UTRN: variants seen among roughly 807,000 people sequenced by gnomAD.
UTRN encodes dystrophin-related protein 1.
Under a neutral mutation model 463.9 loss-of-function variants are expected in UTRN, and 283 were observed. That is an observed-to-expected ratio of 0.61 (90% CI 0.55 to 0.67). The LOEUF (loss-of-function observed/expected upper bound fraction) is 0.67. UTRN is among the 30% of genes least tolerant of loss of function. UTRN has a pLI of 0.00. For synonymous variants in UTRN, 1,442 were observed against 1,431.5 expected, an observed-to-expected ratio of 1.01 and a Z score of -0.17; for missense variants, 3,922 against 4,084.3, an observed-to-expected ratio of 0.96 and a Z score of 1.08.
intron 51 of UTRN, among the ~76,000 whole-genome samples, chr6:144,671,907 T>A (rs140403017): frequency 1.3e-5 from 2 of 151,154 alleles, no homozygotes; most frequent in African/African-American, 4.8e-5. Flanking sequence ...CTGTGGCTAT[T>A]GAGATGACCA....
chr6:144,766,136 C>T (rs74387994), intron 58 of UTRN, among the ~76,000 whole-genome samples: 5,450 of 151,870 alleles, frequency 0.036, 283 homozygotes, highest in African/African-American at 0.11. Flanking sequence ...CACCCACACC[C>T]ACACACACAC....
chr6:144,524,218 T>A (rs369300399), intron 41 of UTRN, among the ~76,000 whole-genome samples: 1 of 152,230 alleles, frequency 6.6e-6, no homozygotes, highest in African/African-American at 2.4e-5. Flanking sequence ...TTTACAAATT[T>A]TCTCTTTGTA....
At chr6:144,802,190 G>A (rs17074224) in intron 64 of UTRN, among the ~76,000 whole-genome samples, 16,809 of 152,160 alleles carry the variant, frequency 0.11, 1,632 homozygotes, top group Admixed American at 0.32. Flanking sequence ...AAGAGATGTC[G>A]TTAGTGTATG....
chr6:144,450,853 G>A (rs777711716), intron 17 of UTRN, among the ~76,000 whole-genome samples: 5 of 152,154 alleles, frequency 3.3e-5, no homozygotes, highest in Non-Finnish European at 5.9e-5. Flanking sequence ...TTAAGGCCAG[G>A]CATGGTGGGT....
At chr6:144,542,654 G>A (rs1475189664) in intron 45 of UTRN, 141 bp from the exon 46 acceptor site, 1 of 748,318 alleles carries the variant, frequency 1.3e-6, no homozygotes, top group African/African-American at 1.8e-5. Flanking sequence ...GCAATGGAGA[G>A]TGAAGGTAGA....
rs146361760 is a variant in UTRN at position 144,288,979 on chromosome 6, GT to G, written c.-92-2757del. Among the ~76,000 whole-genome samples the G allele has an allele frequency of 6.4e-4, 97 of 152,172 alleles. 2 individuals are homozygous for G. The East Asian group carries it at 0.018, about 28-fold the overall frequency. On this transcript the variant is annotated intron_variant, in intron 1 of 74. Coordinates refer to ENST00000367545, the MANE Select transcript of UTRN (RefSeq NM_007124.3). ...GGGTTTCGCCATGTTGGCCAGGCTG[GT>G]CTCAAACTCTTGACCTCAAGTGTTA...
Position 144,548,762 on chromosome 6 carries a change from G to C in UTRN, c.6718G>C (p.Asp2240His), listed in dbSNP as rs139403938. ...TGATAAAACTATAACAGAACTAGCC[G>C]ACTGGCTGGTATTAATCGACCAGAT... ...DLDKTITELA[D>H]WLVLIDQMLK... The change falls in exon 47 of 75, where the codon GAC (aspartate) becomes CAC (histidine). Residue 2240 changes from aspartate to histidine, a missense_variant. This residue lies in a region of UTRN where 2,349 missense variants were observed against 2,303.8 expected (regional missense o/e 1.02). Transcript: ENST00000367545. The C allele has an allele frequency of 1.6e-4, 254 of 1,613,852 alleles. No homozygotes were observed. The highest frequency in any genetic ancestry group is 2.1e-4 in the Non-Finnish European group (246 of 1,179,948).
At chr6:144,502,103 T>A (rs1794242801) in intron 34 of UTRN, among the ~76,000 whole-genome samples, 1 of 150,372 alleles carries the variant, frequency 6.7e-6, no homozygotes, top group African/African-American at 2.5e-5. Context: ...TTTTTTAAGT[T>A]TTATTTTTTT....
At chr6:144,408,500 A>G (rs1268263260) in intron 3 of UTRN, among the ~76,000 whole-genome samples, 3 of 152,252 alleles carry the variant, frequency 2.0e-5, no homozygotes, top group Non-Finnish European at 4.4e-5. Context: ...CTTCACAAAT[A>G]AAGGTTAGGT....
At chr6:144,794,466 C>A (rs1777042619) in intron 63 of UTRN, among the ~76,000 whole-genome samples, 2 of 152,180 alleles carry the variant, frequency 1.3e-5, no homozygotes, top group African/African-American at 4.8e-5. Context: ...AAATCTTTCT[C>A]TGACCTCTTC....
intron 51 of UTRN, among the ~76,000 whole-genome samples, chr6:144,584,292 T>A (rs1224513786): frequency 6.6e-6 from 1 of 152,202 alleles, no homozygotes; most frequent in Non-Finnish European, 1.5e-5. Flanking sequence ...ATATGTTTGA[T>A]CATAGTTTTG....
At chr6:144,392,391 A>G (rs938609454) in intron 2 of UTRN, among the ~76,000 whole-genome samples, 1 of 152,162 alleles carries the variant, frequency 6.6e-6, no homozygotes, top group Non-Finnish European at 1.5e-5. Flanking sequence ...GACTCACTAG[A>G]TTTTTATATT....
chr6:144,788,017 G>T (rs933643812), intron 61 of UTRN, among the ~76,000 whole-genome samples: 5 of 152,054 alleles, frequency 3.3e-5, no homozygotes, highest in Non-Finnish European at 5.9e-5. Flanking sequence ...GGACTACTGT[G>T]ACTAACATTT....
At chr6:144,288,092 A>C (rs921631896) in intron 1 of UTRN, among the ~76,000 whole-genome samples, 2 of 152,216 alleles carry the variant, frequency 1.3e-5, no homozygotes, top group African/African-American at 4.8e-5. Context: ...AGTGTACTCA[A>C]ATTCCTCTGG....
chr6:144,464,295 A>G (rs1375035799), intron 23 of UTRN, among the ~76,000 whole-genome samples: 8 of 152,158 alleles, frequency 5.3e-5, no homozygotes, highest in African/African-American at 1.9e-4. Context: ...TCTTTGACTC[A>G]GGAACTAATG....
At chr6:144,698,688 C>T (rs1158385112) in intron 52 of UTRN, among the ~76,000 whole-genome samples, 1 of 152,210 alleles carries the variant, frequency 6.6e-6, no homozygotes, top group East Asian at 1.9e-4. Context: ...GGGCCTGAGG[C>T]TGGATAAGTG....
intron 46 of UTRN, among the ~76,000 whole-genome samples, 190 bp downstream of exon 46, chr6:144,543,060 A>G (rs969637646): frequency 2.0e-5 from 3 of 152,222 alleles, no homozygotes; most frequent in Non-Finnish European, 4.4e-5. Context: ...AGTGTGGGTA[A>G]GGCATTTGTT....
intron 2 of UTRN, among the ~76,000 whole-genome samples, chr6:144,347,850 G>GTTTTTTTTTTTTTTTTTTT (rs1340536493): frequency 7.8e-6 from 1 of 128,600 alleles, no homozygotes; most frequent in African/African-American, 3.4e-5. Flanking sequence ...TTTTTTTTTT[G>GTTTTTTTTTTTTTTTTTTT]TTTTTTTTTT....
chr6:144,596,112 A>C (rs921341084), intron 51 of UTRN, among the ~76,000 whole-genome samples: 10 of 152,214 alleles, frequency 6.6e-5, no homozygotes, highest in African/African-American at 2.4e-4. Flanking sequence ...ATGTCATATA[A>C]ACCAAAATTT....
Sources: allele counts gnomAD v4.1 joint callset (sites outside exome capture counted in the v4.1 genomes callset), GRCh38; gene constraint gnomAD v4.1.1; regional missense constraint gnomAD v4.1.1; transcripts MANE v1.5; gene names NCBI Gene and HGNC (gene_info 2026-07-23, HGNC 2026-07-21).